NBPF15: variants seen among roughly 807,000 people sequenced by gnomAD.
The protein encoded by NBPF15 is NBPF family member NBPF15.
NBPF15 carries 74 observed loss-of-function variants against 62.2 expected under a neutral mutation model. The observed-to-expected ratio is 1.19, with a 90% CI of 0.99 to 1.44. The LOEUF (loss-of-function observed/expected upper bound fraction) is 1.44. Ranked by LOEUF, NBPF15 falls within the 40% of genes most tolerant of loss-of-function variation. NBPF15 has a pLI of 0.00. For missense variants in NBPF15, 790 were observed against 550.0 expected (o/e 1.44, Z -4.36); for synonymous variants, 244 against 209.7 (o/e 1.16, Z -1.41).
intron 8 of NBPF15, 40 bp downstream of exon 8, chr1:144,439,789 T>C (rs1467108811): frequency 4.0e-6 from 6 of 1,495,910 alleles, no homozygotes; most frequent in Non-Finnish European, 5.5e-6. Flanking sequence ...AGACAGGACA[T>C]CATTCATCAC....
Position 144,424,624 on chromosome 1 carries a change from G to T in NBPF15, c.1663+66C>A, listed in dbSNP as rs1203808433. 1.1e-4 allele frequency: 70 copies of T among 656,290 alleles called. 2 individuals carry two copies. The South Asian group carries it at 1.1e-3, about 11-fold the overall frequency. 40.7% of individuals were successfully genotyped at this position (656,290 alleles called of 1,614,324 possible). On this transcript the variant is annotated intron_variant, in intron 20 of 21. Coordinates refer to ENST00000581897, the MANE Select transcript of NBPF15 (RefSeq NM_001385408.1). ...CTCAGCTCAGTAATGGCCAATTGGA[G>T]CAGGAATATGATCTTTATATGGAAG...
chr1:144,427,956 C>T lies in NBPF15; in HGVS notation c.1075G>A (p.Glu359Lys), dbSNP rs1313095556. 4 of 782,882 alleles carry T rather than the reference C, an allele frequency of 5.1e-6. No individual in the cohort carries two copies. Among genetic ancestry groups the T allele is most frequent in the East Asian group, 2.4e-5 (1 of 41,152 alleles). 48.5% of individuals were successfully genotyped at this position (782,882 alleles called of 1,614,324 possible). A position where few individuals can be genotyped will look rare whatever the true frequency, so the allele number is the denominator to read the frequency against. Residue 359 changes from glutamate (E) to lysine (K), a missense_variant, in exon 16 of 22, where the codon GAA becomes AAA. Transcript: ENST00000581897. ...CTATCCAGTGAGTCCTGCAAGACTTCAGGCTCTTTCTCATCCAGCAGCTCC... is the reference window on the plus strand; with the variant it reads ...CTATCCAGTGAGTCCTGCAAGACTTTAGGCTCTTTCTCATCCAGCAGCTCC... ...SRELLDEKEP[E>K]VLQDSLDRCY...
chr1:144,442,073 T>C (rs1205556177), intron 6 of NBPF15, among the ~76,000 whole-genome samples: 1 of 135,826 alleles, frequency 7.4e-6, no homozygotes, highest in Admixed American at 7.8e-5. Flanking sequence ...GACGAGTTAA[T>C]GGGTGCAGCA....
intron 4 of NBPF15, among the ~76,000 whole-genome samples, chr1:144,452,046 G>T (rs1404886719): frequency 6.6e-6 from 1 of 151,412 alleles, no homozygotes; most frequent in African/African-American, 2.4e-5. Flanking sequence ...CAGCTATTCA[G>T]GAGGCTGAGG....
intron 21 of NBPF15, 49 bp from the exon 22 acceptor site, chr1:144,423,305 C>G (rs782546159): frequency 2.5e-6 from 4 of 1,611,086 alleles, no homozygotes; most frequent in Non-Finnish European, 3.4e-6. Flanking sequence ...AATCAGACAC[C>G]ACAGAGCCCC....
At chr1:144,442,116 A>AATATATAT (rs1391199427) in intron 6 of NBPF15, among the ~76,000 whole-genome samples, 3 of 61,892 alleles carry the variant, frequency 4.8e-5, no homozygotes, top group Non-Finnish European at 8.7e-5. Context: ...ATATATATAT[A>AATATATAT]ATATATATAC....
intron 8 of NBPF15, among the ~76,000 whole-genome samples, chr1:144,439,315 A>G (rs1404704807): frequency 1.3e-5 from 2 of 151,872 alleles, no homozygotes; most frequent in Non-Finnish European, 2.9e-5. Flanking sequence ...TCACTTATAG[A>G]CAGCACAGGT....
intron 15 of NBPF15, 91 bp from the exon 16 acceptor site, chr1:144,428,081 T>C: frequency 1.3e-6 from 1 of 758,870 alleles, no homozygotes. Flanking sequence ...TAAGGAAGAG[T>C]TTGAAAAGAA....
intron 4 of NBPF15, among the ~76,000 whole-genome samples, chr1:144,452,731 G>A (rs1553545815): frequency 1.3e-5 from 2 of 149,320 alleles, no homozygotes; most frequent in African/African-American, 5.0e-5. Flanking sequence ...TGTCCTCACA[G>A]CTAGAAAAAA....
At chr1:144,436,243 T>C (rs1186277194) in intron 10 of NBPF15, among the ~76,000 whole-genome samples, 7 of 151,998 alleles carry the variant, frequency 4.6e-5, no homozygotes, top group African/African-American at 1.7e-4. Context: ...GACAAACTTG[T>C]CCCACAGTCC....
At chr1:144,447,213 G>A (rs1381754633) in intron 6 of NBPF15, among the ~76,000 whole-genome samples, 1 of 152,284 alleles carries the variant, frequency 6.6e-6, no homozygotes, top group Non-Finnish European at 1.5e-5. Context: ...GAGGAGAGGT[G>A]CCACAGGACC....
At chr1:144,437,206 G>T (rs1383680821) in intron 9 of NBPF15, 97 bp from the exon 10 acceptor site, 25 of 1,260,610 alleles carry the variant, frequency 2.0e-5, no homozygotes, top group African/African-American at 3.0e-5. Context: ...TCCTCAAGGA[G>T]ACCTCGAAGC....
chr1:144,431,465 T>C (rs1179399886), intron 13 of NBPF15, among the ~76,000 whole-genome samples: 1 of 147,136 alleles, frequency 6.8e-6, no homozygotes, highest in Admixed American at 6.6e-5. Flanking sequence ...TTATTATTTT[T>C]TGTGTGTATG....
intron 4 of NBPF15, among the ~76,000 whole-genome samples, chr1:144,451,619 C>G (rs1181433393): frequency 6.6e-6 from 1 of 151,812 alleles, no homozygotes; most frequent in Non-Finnish European, 1.5e-5. Flanking sequence ...GTGGTGATGA[C>G]TCTTAACAAG....
At position 144,445,346 on chromosome 1, in the gene NBPF15, TATATATATAC is replaced by T. The variant is rs1179374703; in HGVS notation, c.-191+3419_-191+3428del. Among the ~76,000 whole-genome samples the T allele has an allele frequency of 8.2e-4, 104 of 126,160 alleles. 1 individual carries two copies. The highest frequency in any genetic ancestry group is 3.2e-3 in the African/African-American group (99 of 30,636). 82.8% of individuals were successfully genotyped at this position (126,160 alleles called of 152,430 possible). A position where few individuals can be genotyped will look rare whatever the true frequency, so the allele number is the denominator to read the frequency against. On this transcript the variant is annotated intron_variant, in intron 6 of 21. Transcript: ENST00000581897. Reference sequence around the variant, plus strand: ...TCAAAACGGTGAATATATATATATATATATATATACACACACACACACACACACACACACA... The same window carrying T: ...TCAAAACGGTGAATATATATATATATACACACACACACACACACACACACA...
chr1:144,423,332 A>G, intron 21 of NBPF15, 76 bp from the exon 22 acceptor site: 1 of 1,610,744 alleles, frequency 6.2e-7, no homozygotes. Flanking sequence ...TTTCAGAAGT[A>G]ATATAAGGAA....
At position 144,423,854 on chromosome 1, in the gene NBPF15, A is replaced by C. The variant is rs1222422872; in HGVS notation, c.1769+16T>G. 5 of 764,024 alleles carry C rather than the reference A, an allele frequency of 6.5e-6. No individual in the cohort carries two copies. The African/African-American group carries it at 8.5e-5, about 13-fold the overall frequency. 47.3% of individuals were successfully genotyped at this position (764,024 alleles called of 1,614,324 possible). A position where few individuals can be genotyped will look rare whatever the true frequency, so the allele number is the denominator to read the frequency against. ...TGTTAACACAGAATTAAGCATCCAC[A>C]ATTGCTGAAAGTTACCTGGGGCATG... On this transcript the variant is annotated intron_variant, in intron 21 of 21. Coordinates refer to ENST00000581897, the MANE Select transcript of NBPF15 (RefSeq NM_001385408.1).
In NBPF15 at chr1:144,427,961, T is replaced by A. The variant is rs782144821; in HGVS notation, c.1070A>T (p.Glu357Val). ...CAGTGAGTCCTGCAAGACTTCAGGC[T>A]CTTTCTCATCCAGCAGCTCCCTGCT... The part of the protein sequence containing the change: ...RLSRELLDEK[E>V]PEVLQDSLDR... Residue 357 changes from glutamate to valine, a missense_variant, in exon 16 of 22, where the codon GAG (glutamate) becomes GTG (valine). Glu to Val is a moderately radical substitution (Grantham distance 121). Transcript: ENST00000581897. 1.4e-5 allele frequency: 11 copies of A among 780,088 alleles called. No homozygotes were observed. In the African/African-American group the frequency reaches 1.4e-4, roughly 10 times the overall value. 48.3% of individuals were successfully genotyped at this position (780,088 alleles called of 1,614,324 possible).
chr1:144,423,566 C>A (rs1667327623), intron 21 of NBPF15, among the ~76,000 whole-genome samples: 1 of 151,924 alleles, frequency 6.6e-6, no homozygotes, highest in East Asian at 1.9e-4. Flanking sequence ...TCATGACACA[C>A]AGCAAACTGT....
Sources: gnomAD v4.1 joint callset for allele counts (sites outside exome capture counted in the v4.1 genomes callset) on GRCh38, gnomAD v4.1.1 for gene constraint, MANE v1.5 for transcripts, NCBI Gene and HGNC (gene_info 2026-07-23, HGNC 2026-07-21) for gene names.